The following LHFPL6 variants were observed in gnomAD, a reference collection of about 807,000 sequenced individuals.
The protein encoded by LHFPL6 is LHFPL tetraspan subfamily member 6 protein.
A neutral mutation model predicts 20.6 loss-of-function variants in LHFPL6; 9 were observed. The observed-to-expected ratio is 0.44, with a 90% CI of 0.26 to 0.76. The LOEUF is 0.76. Ranked by LOEUF, LHFPL6 falls within the 30% of genes least tolerant of loss-of-function variation. The pLI is 0.20. For synonymous variants in LHFPL6, 105 were observed against 98.7 expected, an observed-to-expected ratio of 1.06 and a Z score of -0.38; for missense variants, 218 against 253.5, an observed-to-expected ratio of 0.86 and a Z score of 0.95.
chr13:39,489,837 A>G (rs7335427), intron 2 of LHFPL6, among the ~76,000 whole-genome samples: 100,482 of 152,014 alleles, frequency 0.66, 33,426 homozygotes, highest in East Asian at 0.85. Flanking sequence ...TTACAGATGT[A>G]AGTCACCATG....
chr13:39,507,164 T>C (rs1480509708), intron 2 of LHFPL6, among the ~76,000 whole-genome samples: 5 of 152,232 alleles, frequency 3.3e-5, no homozygotes. Flanking sequence ...ATGTGTGCAA[T>C]GCATTAAGAA....
chr13:39,366,870 C>T (rs1323161545), intron 3 of LHFPL6, among the ~76,000 whole-genome samples: 1 of 152,056 alleles, frequency 6.6e-6, no homozygotes, highest in African/African-American at 2.4e-5. Context: ...TAAAATCTGC[C>T]CAATCTTTAT....
chr13:39,556,011 C>T (rs912608960), intron 2 of LHFPL6, among the ~76,000 whole-genome samples: 2 of 152,168 alleles, frequency 1.3e-5, no homozygotes, highest in Admixed American at 1.3e-4. Flanking sequence ...CACTCTCTCA[C>T]TCCCACTCTT....
intron 2 of LHFPL6, among the ~76,000 whole-genome samples, chr13:39,387,531 G>C (rs1360798126): frequency 1.6e-5 from 2 of 122,630 alleles, no homozygotes; most frequent in African/African-American, 3.3e-5. Flanking sequence ...GGGTGACAGA[G>C]TGAGAGACTG....
At position 39,539,638 on chromosome 13, in the gene LHFPL6, G is replaced by A. The variant is rs145871638; in HGVS notation, c.385+61194C>T. Among the ~76,000 whole-genome samples, 650 of 152,312 alleles carry A rather than the reference G, an allele frequency of 4.3e-3. 2 individuals carry two copies. The highest frequency in any genetic ancestry group is 0.015 in the African/African-American group (626 of 41,558). On this transcript the variant is annotated intron_variant, in intron 2 of 3. Coordinates refer to ENST00000379589, the MANE Select transcript of LHFPL6 (RefSeq NM_005780.3). ...GGGAAAATGAACTCAATTAATCAGC[G>A]TAAGGCATAGGTGAGGTCAGTATCT...
rs79477165 is a variant in LHFPL6 at position 39,533,077 on chromosome 13, T to C, written c.385+67755A>G. Among the ~76,000 whole-genome samples the C allele has an allele frequency of 4.2e-3, 633 of 152,264 alleles. 4 individuals are homozygous for C. Among genetic ancestry groups the C allele is most frequent in the African/African-American group, 0.014 (599 of 41,550 alleles). ...GACATTTCTCAAGCACAGACTTAAA[T>C]AAAGGAAACAAGAGAATACATTGCA... On this transcript the variant is annotated intron_variant, in intron 2 of 3. Transcript: ENST00000379589.
intron 2 of LHFPL6, among the ~76,000 whole-genome samples, chr13:39,530,036 G>C (rs1253227997): frequency 6.6e-6 from 1 of 152,130 alleles, no homozygotes; most frequent in South Asian, 2.1e-4. Flanking sequence ...ATTGTGCATA[G>C]TAGGTACTCA....
chr13:39,382,258 A>T (rs1433078543), intron 2 of LHFPL6, among the ~76,000 whole-genome samples: 1 of 152,124 alleles, frequency 6.6e-6, no homozygotes, highest in Non-Finnish European at 1.5e-5. Flanking sequence ...AGAACACTAG[A>T]TTGCCATCTT....
intron 2 of LHFPL6, among the ~76,000 whole-genome samples, chr13:39,448,409 G>T (rs1337659738): frequency 6.6e-6 from 1 of 152,140 alleles, no homozygotes; most frequent in Non-Finnish European, 1.5e-5. Context: ...GCAAAATAGA[G>T]AAGGATTCTT....
At chr13:39,544,500 C>A (rs138811873) in intron 2 of LHFPL6, among the ~76,000 whole-genome samples, 2 of 150,032 alleles carry the variant, frequency 1.3e-5, no homozygotes, top group East Asian at 4.0e-4. Flanking sequence ...TCACTAAGCT[C>A]TCCCTTAACC....
At chr13:39,450,559 C>A (rs554228823) in intron 2 of LHFPL6, among the ~76,000 whole-genome samples, 1 of 152,066 alleles carries the variant, frequency 6.6e-6, no homozygotes, top group African/African-American at 2.4e-5. Flanking sequence ...ATATCTGTGT[C>A]TCTCTCTATC....
intron 2 of LHFPL6, among the ~76,000 whole-genome samples, chr13:39,594,069 G>C (rs1344598708): frequency 1.3e-5 from 2 of 152,152 alleles, no homozygotes; most frequent in Non-Finnish European, 1.5e-5. Context: ...AGGACTTCAT[G>C]TCTAAAACAC....
At chr13:39,468,914 T>C (rs7982709) in intron 2 of LHFPL6, among the ~76,000 whole-genome samples, 9,482 of 152,106 alleles carry the variant, frequency 0.062, 1,010 homozygotes, top group African/African-American at 0.22. Flanking sequence ...CAGGTTTGAA[T>C]TGCAACACTG....
intron 3 of LHFPL6, among the ~76,000 whole-genome samples, chr13:39,368,319 C>T (rs901919488): frequency 2.6e-5 from 4 of 151,390 alleles, no homozygotes; most frequent in African/African-American, 9.7e-5. Flanking sequence ...CATGGTGGCT[C>T]ACGCCTGTAA....
intron 1 of LHFPL6, among the ~76,000 whole-genome samples, chr13:39,601,927 A>C (rs1276880991): frequency 6.6e-6 from 1 of 152,196 alleles, no homozygotes; most frequent in African/African-American, 2.4e-5. Context: ...GGAGGCACCC[A>C]CAGTACAGAA....
chr13:39,588,202 G>A (rs985215650), intron 2 of LHFPL6, among the ~76,000 whole-genome samples: 6 of 152,190 alleles, frequency 3.9e-5, no homozygotes, highest in African/African-American at 1.4e-4. Flanking sequence ...TACATATCAT[G>A]AGTCCTTGGA....
intron 2 of LHFPL6, among the ~76,000 whole-genome samples, chr13:39,445,452 C>T (rs1872261620): frequency 6.6e-6 from 1 of 152,152 alleles, no homozygotes; most frequent in Non-Finnish European, 1.5e-5. Flanking sequence ...GAATTTCTCA[C>T]CCAGCTCCTA....
chr13:39,462,947 C>T (rs957563286), intron 2 of LHFPL6, among the ~76,000 whole-genome samples: 5 of 152,166 alleles, frequency 3.3e-5, no homozygotes, highest in African/African-American at 4.8e-5. Flanking sequence ...CATACAAACT[C>T]ATGCTCTCCA....
At position 39,508,149 on chromosome 13, in the gene LHFPL6, C is replaced by T. The variant is rs1296026065; in HGVS notation, c.385+92683G>A. Among the ~76,000 whole-genome samples, 4 of 152,000 alleles carry T rather than the reference C, an allele frequency of 2.6e-5. No individual in the cohort carries two copies. In the East Asian group the frequency reaches 5.8e-4, roughly 22 times the overall value. On this transcript the variant is annotated intron_variant, in intron 2 of 3. Transcript: ENST00000379589. ...AAGTGATTCTCCTGCCTCAGCCTCC[C>T]GAGTAGCTGGGATTACAGGTGTGCA... is the stretch of plus-strand genomic sequence containing the variant.
Sources: gnomAD v4.1 joint callset for allele counts (sites outside exome capture counted in the v4.1 genomes callset) on GRCh38, gnomAD v4.1.1 for gene constraint, MANE v1.5 for transcripts, NCBI Gene and HGNC (gene_info 2026-07-23, HGNC 2026-07-21) for gene names.